The following XCR1 variants were observed in gnomAD, a reference collection of about 807,000 sequenced individuals.
XCR1 encodes the protein chemokine XC receptor 1.
For synonymous variants in XCR1, 187 were observed against 188.5 expected, an observed-to-expected ratio of 0.99 and a Z score of 0.06; for missense variants, 356 against 424.2, an observed-to-expected ratio of 0.84 and a Z score of 1.41.
At chr3:46,049,620 C>T (rs1697701816) in intron 5 of XCR1, among the ~76,000 whole-genome samples, 2 of 152,272 alleles carry the variant, frequency 1.3e-5, no homozygotes, top group East Asian at 3.9e-4. Context: ...TGAGCTCTAA[C>T]ACCTGAATGA....
chr3:46,066,148 C>G (rs954257035), intron 4 of XCR1, among the ~76,000 whole-genome samples: 7 of 152,148 alleles, frequency 4.6e-5, no homozygotes, highest in Non-Finnish European at 1.5e-5. Context: ...ACCATGTAGT[C>G]TCAGACATAC....
At chr3:46,075,035 T>C (rs551548318) in intron 2 of XCR1, among the ~76,000 whole-genome samples, 1 of 152,128 alleles carries the variant, frequency 6.6e-6, no homozygotes, top group Non-Finnish European at 1.5e-5. Context: ...CTGGAAACTA[T>C]TTCAAATATT....
chr3:46,063,023 G>C (rs1697995004), intron 4 of XCR1, among the ~76,000 whole-genome samples: 1 of 152,182 alleles, frequency 6.6e-6, no homozygotes, highest in South Asian at 2.1e-4. Flanking sequence ...TTAGAGACCT[G>C]GTTGTTAAAA....
chr3:46,053,020 C>A (rs1189030123), intron 5 of XCR1, among the ~76,000 whole-genome samples: 1 of 152,170 alleles, frequency 6.6e-6, no homozygotes, highest in Non-Finnish European at 1.5e-5. Context: ...ATAGCATATC[C>A]TTTATAATGT....
chr3:46,059,010 A>G (rs1697910847), intron 4 of XCR1, among the ~76,000 whole-genome samples: 2 of 152,226 alleles, frequency 1.3e-5, no homozygotes, highest in Admixed American at 6.5e-5. Context: ...CAGCAGAAGC[A>G]GCCCTTTTAC....
chr3:46,054,829 TCAGG>T (rs1697823178), intron 4 of XCR1, among the ~76,000 whole-genome samples: 1 of 151,858 alleles, frequency 6.6e-6, no homozygotes, highest in Admixed American at 6.6e-5. Context: ...AATGAGGGGG[TCAGG>T]CATCTCATTG....
At chr3:46,049,966 C>T (rs1053727830) in intron 5 of XCR1, among the ~76,000 whole-genome samples, 4 of 152,188 alleles carry the variant, frequency 2.6e-5, no homozygotes, top group Non-Finnish European at 4.4e-5. Context: ...ATCCCATAAG[C>T]ATTCTTGACC....
At chr3:46,026,577 C>A (rs1423416141) in intron 1 of XCR1, among the ~76,000 whole-genome samples, 1 of 150,730 alleles carries the variant, frequency 6.6e-6, no homozygotes, top group Non-Finnish European at 1.5e-5. Context: ...ATCCATTTTT[C>A]TTCTTCTTCT....
chr3:46,053,049 G>A (rs1019617622), intron 5 of XCR1, among the ~76,000 whole-genome samples: 4 of 152,284 alleles, frequency 2.6e-5, no homozygotes, highest in South Asian at 2.1e-4. Flanking sequence ...CCAGCAGCAT[G>A]GTTCTATCCA....
At chr3:46,064,306 G>A (rs1175805632) in intron 4 of XCR1, among the ~76,000 whole-genome samples, 1 of 152,152 alleles carries the variant, frequency 6.6e-6, no homozygotes, top group Non-Finnish European at 1.5e-5. Context: ...TCATGTCTCT[G>A]TATTGTTCAT....
At chr3:46,058,322 G>C (rs1013905686) in intron 4 of XCR1, among the ~76,000 whole-genome samples, 2 of 152,160 alleles carry the variant, frequency 1.3e-5, no homozygotes, top group Non-Finnish European at 2.9e-5. Flanking sequence ...TTGGCTGGTT[G>C]CTCCTGACTA....
chr3:46,022,023 G>A, intron 1 of XCR1, 45 bp from the exon 2 acceptor site: 1 of 1,497,484 alleles, frequency 6.7e-7, no homozygotes, highest in Non-Finnish European at 9.0e-7. Flanking sequence ...TGGTGGCTGG[G>A]TACAGTGGCT....
At chr3:46,047,664 A>G (rs1697660214) in intron 5 of XCR1, among the ~76,000 whole-genome samples, 1 of 152,104 alleles carries the variant, frequency 6.6e-6, no homozygotes, top group Admixed American at 6.5e-5. Context: ...TTTCCTTCCT[A>G]GATAATGCCA....
intron 4 of XCR1, among the ~76,000 whole-genome samples, chr3:46,060,510 T>G (rs1406261262): frequency 6.6e-6 from 1 of 152,168 alleles, no homozygotes; most frequent in African/African-American, 2.4e-5. Context: ...TGTTAATTCA[T>G]AGGTAAGAGG....
Position 46,067,832 on chromosome 3 carries a change from C to A in XCR1, c.-262-854G>T, listed in dbSNP as rs7429591. Among the ~76,000 whole-genome samples, 37 of 152,174 alleles carry A rather than the reference C, an allele frequency of 2.4e-4. No homozygotes were observed. The South Asian group carries it at 6.4e-3, about 26-fold the overall frequency. On this transcript the variant is annotated intron_variant, in intron 3 of 5. Coordinates refer to the XCR1 transcript ENST00000683768. Reference sequence around the variant, plus strand: ...AGAGGACATGCTGTGGAGGGGCCAGCAAACGAGAAACTCAGGAGGCAGAAA... The same window carrying A: ...AGAGGACATGCTGTGGAGGGGCCAGAAAACGAGAAACTCAGGAGGCAGAAA...
At position 46,021,684 on chromosome 3, in the gene XCR1, G is replaced by T. The variant is rs1274087568; in HGVS notation, c.264C>A (p.Ile88=). The change falls in exon 2 of 2, where the codon ATC becomes ATA. Residue 88 remains isoleucine, a synonymous_variant. Transcript: ENST00000309285. The surrounding 1 kb of genome is among the most constrained non-coding windows in gnomAD (Gnocchi z 4.7). The stretch of plus-strand genomic sequence containing the variant: ...GCACCCAGCCCCAGTGGTATGGGGA[G>T]ATCCACACAGGCAACAAGCAGGCGA... ...LVFACLLPVW[I]SPYHWGWVLG... The T allele has an allele frequency of 6.2e-7, 1 of 1,614,084 alleles. No individual in the cohort carries two copies. The highest frequency in any genetic ancestry group is 1.1e-5 in the South Asian group (1 of 91,076).
At chr3:46,044,449 G>A (rs1328207402) in intron 5 of XCR1, among the ~76,000 whole-genome samples, 4 of 151,938 alleles carry the variant, frequency 2.6e-5, no homozygotes, top group Admixed American at 1.3e-4. Flanking sequence ...TTGAGTTGTA[G>A]CAGTTTTTTT....
chr3:46,023,709 A>G, intron 1 of XCR1: 13 of 1,529,070 alleles, frequency 8.5e-6, no homozygotes, highest in Non-Finnish European at 1.2e-5. Context: ...ACAGGGATCC[A>G]GACACACTAC....
chr3:46,067,539 C>T (rs1046867708), intron 3 of XCR1, among the ~76,000 whole-genome samples: 6 of 152,160 alleles, frequency 3.9e-5, no homozygotes, highest in African/African-American at 9.7e-5. Flanking sequence ...ATTCTTACCA[C>T]AAAGGTCACC....
Sources: gnomAD v4.1 joint callset for allele counts (sites outside exome capture counted in the v4.1 genomes callset) on GRCh38, gnomAD v4.1.1 for gene constraint, Gnocchi (gnomAD v3.1) non-coding constraint, MANE v1.5 for transcripts, NCBI Gene and HGNC (gene_info 2026-07-23, HGNC 2026-07-21) for gene names.